Variants in AGBL2 observed in about 807,000 individuals in gnomAD.
The protein encoded by AGBL2 is AGBL carboxypeptidase 2.
Under a neutral mutation model 103.0 loss-of-function variants are expected in AGBL2, and 87 were observed. That is an observed-to-expected ratio of 0.84 (90% CI 0.71 to 1.01). The LOEUF (loss-of-function observed/expected upper bound fraction) is 1.01, where lower values mean the gene tolerates loss of function less well. Ranked by LOEUF, AGBL2 falls within the 50% of genes least tolerant of loss-of-function variation. The pLI, the probability that AGBL2 is intolerant of heterozygous loss-of-function variation, is 0.00. For missense variants in AGBL2, 904 were observed against 1,023.5 expected, an observed-to-expected ratio of 0.88 and a Z score of 1.59; for synonymous variants, 335 against 356.7, an observed-to-expected ratio of 0.94 and a Z score of 0.69.
At chr11:47,675,702 A>G (rs144814514) in intron 14 of AGBL2, among the ~76,000 whole-genome samples, 23 of 152,052 alleles carry the variant, frequency 1.5e-4, no homozygotes, top group Non-Finnish European at 2.1e-4. Context: ...ATCTAGTGTT[A>G]AGGTTTAAAT....
chr11:47,671,493 A>G (rs2097357339), intron 14 of AGBL2, among the ~76,000 whole-genome samples: 1 of 152,054 alleles, frequency 6.6e-6, no homozygotes, highest in African/African-American at 2.4e-5. Context: ...GCACCACTAC[A>G]CTCCAGCTTG....
chr11:47,675,266 T>C lies in AGBL2; in HGVS notation c.2147+2005A>G, dbSNP rs1305152595. Among the ~76,000 whole-genome samples, 4 of 135,732 alleles carry C rather than the reference T, an allele frequency of 2.9e-5. No individual in the cohort carries two copies. The East Asian group carries it at 7.3e-4, about 25-fold the overall frequency. 89.0% of individuals were successfully genotyped at this position (135,732 alleles called of 152,430 possible). On this transcript the variant is annotated intron_variant, in intron 14 of 18. Transcript: ENST00000525123. ...CTCTATAGCGCAGATTGTAGTACACTAGCGCGGCCATACCTCACTGCAACC... is the reference window on the plus strand; with the variant it reads ...CTCTATAGCGCAGATTGTAGTACACCAGCGCGGCCATACCTCACTGCAACC...
intron 13 of AGBL2, 33 bp downstream of exon 13, chr11:47,679,940 C>G (rs972850509): frequency 4.3e-6 from 6 of 1,379,806 alleles, no homozygotes; most frequent in Non-Finnish European, 6.2e-6. Flanking sequence ...CCATGCCTGG[C>G]CTTCATCACA....
chr11:47,664,012 G>A (rs1359161884), intron 17 of AGBL2, among the ~76,000 whole-genome samples: 2 of 151,402 alleles, frequency 1.3e-5, no homozygotes, highest in African/African-American at 2.4e-5. Context: ...CTGCCACCAC[G>A]CCTGGCTAAT....
intron 3 of AGBL2, among the ~76,000 whole-genome samples, chr11:47,713,821 C>G (rs1219224645): frequency 6.6e-6 from 1 of 151,890 alleles, no homozygotes; most frequent in African/African-American, 2.4e-5. Flanking sequence ...GATCTCCTGA[C>G]CTCGTGCTCC....
At chr11:47,712,891 A>G (rs905452956) in intron 3 of AGBL2, among the ~76,000 whole-genome samples, 1 of 151,428 alleles carries the variant, frequency 6.6e-6, no homozygotes, top group Non-Finnish European at 1.5e-5. Flanking sequence ...AAAATTAGCC[A>G]GGCATGGTGG....
At chr11:47,703,237 C>T (rs2097505276) in intron 7 of AGBL2, among the ~76,000 whole-genome samples, 1 of 152,060 alleles carries the variant, frequency 6.6e-6, no homozygotes, top group Non-Finnish European at 1.5e-5. Flanking sequence ...CACATTAATA[C>T]TGAGACAGGG....
intron 13 of AGBL2, among the ~76,000 whole-genome samples, chr11:47,678,343 A>ATTATTATTATTATTTTTTTTTTTTTTT (rs2097385523): frequency 8.6e-6 from 1 of 116,760 alleles, no homozygotes; most frequent in Admixed American, 9.1e-5. Context: ...TTATTATTTT[A>ATTATTATTATTATTTTTTTTTTTTTTT]TTTTTTTTGA....
In AGBL2 at chr11:47,680,054, G is replaced by A. The variant is rs751278926; in HGVS notation, c.1935C>T (p.His645=). The change falls in exon 13 of 19, where the codon CAC becomes CAT. Residue 645 remains histidine (H), a synonymous_variant. Transcript: ENST00000525123. ...AGGACTTCAGATCTTCGATGGTAAA[G>A]TGGGTGTCTCTTTTATTACCTGGAA... ...GSTLGNKRDT[H]FTIEDLKSLG... 1.6e-5 allele frequency: 26 copies of A among 1,606,924 alleles called. No homozygotes were observed. In the Admixed American group the frequency reaches 4.2e-4, roughly 26 times the overall value.
chr11:47,667,378 G>T (rs1437453372), intron 16 of AGBL2, among the ~76,000 whole-genome samples, 193 bp downstream of exon 16: 2 of 152,192 alleles, frequency 1.3e-5, no homozygotes, highest in Non-Finnish European at 2.9e-5. Flanking sequence ...GAGGTTCAGT[G>T]GGCCAAGGCC....
chr11:47,691,756 A>ATATATATATATATATAT (rs1425683675), intron 9 of AGBL2, among the ~76,000 whole-genome samples: 2 of 91,864 alleles, frequency 2.2e-5, no homozygotes, highest in Non-Finnish European at 4.4e-5. Flanking sequence ...ATATATATAT[A>ATATATATATATATATAT]ATTTGTGCAT....
intron 10 of AGBL2, among the ~76,000 whole-genome samples, chr11:47,686,623 A>G (rs1172423020): frequency 1.3e-5 from 2 of 151,884 alleles, no homozygotes; most frequent in Admixed American, 1.3e-4. Flanking sequence ...CTGGTGATAC[A>G]TGAGCTCTCA....
chr11:47,692,930 C>T (rs1352462683), intron 8 of AGBL2, among the ~76,000 whole-genome samples: 2 of 151,892 alleles, frequency 1.3e-5, no homozygotes, highest in Non-Finnish European at 2.9e-5. Context: ...GTGATCCTCC[C>T]ACCTCAACTT....
intron 9 of AGBL2, among the ~76,000 whole-genome samples, chr11:47,691,594 G>C (rs1230774825): frequency 1.4e-5 from 2 of 147,244 alleles, no homozygotes; most frequent in African/African-American, 5.0e-5. Context: ...TGTAGTCCTA[G>C]CTACTCAGGA....
intron 7 of AGBL2, 53 bp downstream of exon 7, chr11:47,704,490 A>G (rs1032001839): frequency 6.9e-7 from 1 of 1,458,402 alleles, no homozygotes; most frequent in Non-Finnish European, 9.1e-7. Flanking sequence ...CTCAAAAAAA[A>G]AAAAAAAAAA....
At chr11:47,691,729 A>AAAAAAATAT in intron 9 of AGBL2, among the ~76,000 whole-genome samples, 1 of 4,854 alleles carries the variant, frequency 2.1e-4, no homozygotes, top group African/African-American at 7.2e-4. Flanking sequence ...AAAAAAAAAA[A>AAAAAAATAT]ATATATATAT....
intron 8 of AGBL2, among the ~76,000 whole-genome samples, chr11:47,696,267 GT>G (rs2097473224): frequency 6.7e-6 from 1 of 150,154 alleles, no homozygotes. Flanking sequence ...TTGTTTGTTT[GT>G]TTTTTGTTTT....
At chr11:47,711,928 A>G (rs2097537482) in intron 3 of AGBL2, among the ~76,000 whole-genome samples, 2 of 152,158 alleles carry the variant, frequency 1.3e-5, no homozygotes, top group African/African-American at 2.4e-5. Flanking sequence ...AAAATTTTTA[A>G]ATTAGCTGGG....
intron 8 of AGBL2, among the ~76,000 whole-genome samples, chr11:47,692,703 C>T (rs974166300): frequency 1.3e-5 from 2 of 152,032 alleles, no homozygotes; most frequent in Non-Finnish European, 1.5e-5. Context: ...TGAGCCACCA[C>T]GCCTGGCCAT....
Sources: allele counts gnomAD v4.1 joint callset (sites outside exome capture counted in the v4.1 genomes callset), GRCh38; gene constraint gnomAD v4.1.1; transcripts MANE v1.5; gene names NCBI Gene and HGNC (gene_info 2026-07-23, HGNC 2026-07-21).